The following ARMH3 variants were observed in gnomAD, a reference collection of about 807,000 sequenced individuals.
ARMH3 encodes the protein armadillo like helical domain containing 3, also known as armadillo-like helical domain-containing protein 3.
ARMH3 carries 60 observed loss-of-function variants against 99.1 expected under a neutral mutation model. The ratio of observed to expected loss-of-function variants is 0.61; its 90% CI spans 0.49 to 0.75. ARMH3 has a LOEUF of 0.75. Among genes scored for constraint, ARMH3 ranks in the 30% least tolerant of loss-of-function variants. The pLI is 0.00. For missense variants in ARMH3, 679 were observed against 843.1 expected (o/e 0.81, Z 2.41); for synonymous variants, 285 against 292.8 (o/e 0.97, Z 0.27).
At chr10:101,872,455 G>C (rs1021312354) in intron 24 of ARMH3, among the ~76,000 whole-genome samples, 2 of 152,150 alleles carry the variant, frequency 1.3e-5, no homozygotes, top group Non-Finnish European at 2.9e-5. Flanking sequence ...CCAGCACTTT[G>C]GGAGGCCAAG....
intron 1 of ARMH3, among the ~76,000 whole-genome samples, chr10:102,040,444 A>C (rs1287649497): frequency 6.6e-6 from 1 of 152,172 alleles, no homozygotes; most frequent in South Asian, 2.1e-4. Context: ...TAAATCTTAG[A>C]AAAGAAAAGA....
chr10:101,995,347 T>C lies in ARMH3; in HGVS notation c.1159A>G (p.Arg387Gly), dbSNP rs763441895. Residue 387 changes from arginine to glycine, a missense_variant, in exon 16 of 26, where the codon AGG (arginine) becomes GGG (glycine). Physicochemically the swap from Arg to Gly is moderately radical, Grantham distance 125 (BLOSUM62 -2). Coordinates refer to ENST00000370033, the MANE Select transcript of ARMH3 (RefSeq NM_024541.3). ...IVMQDTKDEH[R>G]LHSGKLCLII... is the part of the protein sequence containing the mutation. ...AGACAGAGTTTGCCACTGTGAAGCC[T>C]GTGTTCATCTGTAAAGAAAAAAGAA... 2.5e-6 allele frequency: 4 copies of C among 1,613,174 alleles called. No individual in the cohort carries two copies. In the Admixed American group the frequency reaches 5.0e-5, roughly 20 times the overall value.
intron 8 of ARMH3, among the ~76,000 whole-genome samples, chr10:102,019,784 C>T (rs1590192487): frequency 6.6e-6 from 1 of 151,754 alleles, no homozygotes; most frequent in Admixed American, 6.6e-5. Flanking sequence ...AAAAATTAGC[C>T]GGGCGTGGTG....
intron 6 of ARMH3, 47 bp from the exon 7 acceptor site, chr10:102,023,796 A>G (rs754557237): frequency 2.6e-6 from 4 of 1,537,928 alleles, no homozygotes; most frequent in Non-Finnish European, 3.6e-6. Flanking sequence ...AGGTATTCTG[A>G]TATCTTGTGT....
At chr10:102,002,101 G>C in intron 14 of ARMH3, 29 bp from the exon 15 acceptor site, 1 of 1,611,306 alleles carries the variant, frequency 6.2e-7, no homozygotes, top group Non-Finnish European at 8.5e-7. Context: ...AATGCACTTA[G>C]CCTGCAACAT....
At chr10:101,995,518 C>T (rs1316056875) in intron 15 of ARMH3, among the ~76,000 whole-genome samples, 163 bp from the exon 16 acceptor site, 1 of 152,096 alleles carries the variant, frequency 6.6e-6, no homozygotes, top group Non-Finnish European at 1.5e-5. Context: ...TTCTTGCTTC[C>T]CTCCTAGGCA....
At chr10:102,015,783 A>C (rs918632175) in intron 8 of ARMH3, among the ~76,000 whole-genome samples, 1 of 152,214 alleles carries the variant, frequency 6.6e-6, no homozygotes. Context: ...AGGCACATAA[A>C]GCTAAGTTTC....
intron 22 of ARMH3, among the ~76,000 whole-genome samples, chr10:101,942,614 C>A (rs1167461699): frequency 6.6e-6 from 1 of 152,094 alleles, no homozygotes; most frequent in Admixed American, 6.6e-5. Flanking sequence ...GTAATCCCAG[C>A]ACTTTGGGAG....
chr10:101,894,608 G>A (rs1332974835), intron 23 of ARMH3, among the ~76,000 whole-genome samples: 1 of 152,158 alleles, frequency 6.6e-6, no homozygotes, highest in South Asian at 2.1e-4. Flanking sequence ...TATAGATGAA[G>A]GAGGAATCTC....
chr10:101,982,757 A>C (rs1846292072), intron 19 of ARMH3, among the ~76,000 whole-genome samples: 1 of 151,990 alleles, frequency 6.6e-6, no homozygotes, highest in Non-Finnish European at 1.5e-5. Context: ...TGATAATCTA[A>C]TGCCTCATGA....
intron 24 of ARMH3, among the ~76,000 whole-genome samples, chr10:101,868,800 G>A (rs940949709): frequency 2.6e-5 from 4 of 152,092 alleles, no homozygotes; most frequent in African/African-American, 7.2e-5. Flanking sequence ...GGCCAGGCAC[G>A]GTGGCTCACG....
At position 101,975,835 on chromosome 10, in the gene ARMH3, G is replaced by C. The variant is rs558628860; in HGVS notation, c.1407-535C>G. Among the ~76,000 whole-genome samples the C allele has an allele frequency of 2.7e-5, 4 of 149,428 alleles. No homozygotes were observed. The Admixed American group carries it at 2.7e-4, about 10-fold the overall frequency. ...AGATCGTGCCACTGCACTCCAGCCT[G>C]GGCAACAGAGCGAGATTACATCTCA... On this transcript the variant is annotated intron_variant, in intron 19 of 25. Coordinates refer to ENST00000370033, the MANE Select transcript of ARMH3 (RefSeq NM_024541.3).
At chr10:101,851,550 G>A (rs982024794) in intron 24 of ARMH3, among the ~76,000 whole-genome samples, 4 of 152,192 alleles carry the variant, frequency 2.6e-5, no homozygotes, top group African/African-American at 9.7e-5. Flanking sequence ...GAGTCAGGAT[G>A]GAGGACAGGC....
intron 23 of ARMH3, among the ~76,000 whole-genome samples, chr10:101,921,696 A>C (rs1260388242): frequency 1.3e-5 from 2 of 152,184 alleles, no homozygotes; most frequent in East Asian, 3.8e-4. Flanking sequence ...CAGATGGAAA[A>C]GGAGGTCATT....
intron 17 of ARMH3, among the ~76,000 whole-genome samples, chr10:101,992,776 G>C (rs1846861833): frequency 6.6e-6 from 1 of 151,876 alleles, no homozygotes; most frequent in Non-Finnish European, 1.5e-5. Context: ...ACAGGTATGA[G>C]CCACCAAGCC....
At chr10:102,034,645 A>C (rs1706133625) in intron 2 of ARMH3, among the ~76,000 whole-genome samples, 1 of 151,792 alleles carries the variant, frequency 6.6e-6, no homozygotes, top group South Asian at 2.1e-4. Flanking sequence ...CAAAAAAAAA[A>C]AAGAAAAAAA....
chr10:101,898,320 C>T (rs969970449), intron 23 of ARMH3, among the ~76,000 whole-genome samples: 4 of 151,234 alleles, frequency 2.6e-5, no homozygotes, highest in Admixed American at 2.0e-4. Flanking sequence ...CACACCACTG[C>T]GCTCCCTAGC....
At position 102,015,943 on chromosome 10, in the gene ARMH3, G is replaced by C. The variant is rs577621728; in HGVS notation, c.670-1919C>G. Reference sequence around the variant, plus strand: ...GAGCCCAGGAGTTCAAGACCAGCTTGGGCAACATGGCAAAACCCTATCTCT... The same window carrying C: ...GAGCCCAGGAGTTCAAGACCAGCTTCGGCAACATGGCAAAACCCTATCTCT... On this transcript the variant is annotated intron_variant, in intron 8 of 25. Coordinates refer to ENST00000370033, the MANE Select transcript of ARMH3 (RefSeq NM_024541.3). Among the ~76,000 whole-genome samples, 11 of 152,274 alleles carry C rather than the reference G, an allele frequency of 7.2e-5. 2 individuals are homozygous for C. The Middle Eastern group carries it at 0.034, about 471-fold the overall frequency.
At chr10:102,053,578 A>G (rs1269403673) in intron 1 of ARMH3, among the ~76,000 whole-genome samples, 14 of 151,722 alleles carry the variant, frequency 9.2e-5, no homozygotes, top group Admixed American at 9.2e-4. Context: ...TCATCCTTCA[A>G]CACCCAACTC....
Sources: gnomAD v4.1 joint callset for allele counts (sites outside exome capture counted in the v4.1 genomes callset) on GRCh38, gnomAD v4.1.1 for gene constraint, MANE v1.5 for transcripts, NCBI Gene and HGNC (gene_info 2026-07-23, HGNC 2026-07-21) for gene names.